The following KLHDC1 variants were observed in gnomAD, a reference collection of about 807,000 sequenced individuals.
KLHDC1 encodes kelch domain containing 1.
In KLHDC1, 53 loss-of-function variants were observed where a neutral mutation model predicts 68.3. The ratio of observed to expected loss-of-function variants is 0.78; its 90% CI spans 0.62 to 0.98. The LOEUF (loss-of-function observed/expected upper bound fraction) is 0.98. Ranked by LOEUF, KLHDC1 falls within the 50% of genes least tolerant of loss-of-function variation. The probability of loss-of-function intolerance (pLI) is 0.00; values close to 1 mark genes in which losing one functional copy is unlikely to be tolerated. For synonymous variants in KLHDC1, 148 were observed against 159.0 expected (o/e 0.93, Z 0.52); for missense variants, 470 against 492.3 (o/e 0.95, Z 0.43).
At chr14:49,741,313 AT>A (rs532664095) in intron 11 of KLHDC1, among the ~76,000 whole-genome samples, 36 of 149,282 alleles carry the variant, frequency 2.4e-4, no homozygotes, top group African/African-American at 6.6e-4. Flanking sequence ...GTATATTATT[AT>A]TTTTTTTTTT....
chr14:49,743,662 C>A (rs936810417), intron 11 of KLHDC1, 91 bp from the exon 12 acceptor site: 3 of 778,962 alleles, frequency 3.9e-6, no homozygotes, highest in Non-Finnish European at 4.2e-6. Context: ...TATACAATAT[C>A]TTTTACATTT....
chr14:49,741,758 C>A (rs60434626), intron 11 of KLHDC1, among the ~76,000 whole-genome samples: 1 of 152,050 alleles, frequency 6.6e-6, no homozygotes. Context: ...ACTCCTAGCA[C>A]CCTGGGAAAT....
intron 11 of KLHDC1, among the ~76,000 whole-genome samples, chr14:49,741,758 C>T (rs60434626): frequency 7.2e-4 from 110 of 152,168 alleles, no homozygotes; most frequent in African/African-American, 2.5e-3. Context: ...ACTCCTAGCA[C>T]CCTGGGAAAT....
intron 4 of KLHDC1, among the ~76,000 whole-genome samples, chr14:49,713,830 A>T (rs1287314875): frequency 4.3e-3 from 9 of 2,086 alleles, no homozygotes; most frequent in Non-Finnish European, 0.011. Context: ...ATATATATAT[A>T]TATATATATA....
intron 4 of KLHDC1, among the ~76,000 whole-genome samples, chr14:49,713,827 TATATATATA>T (rs1361135176): frequency 0.08 from 499 of 6,248 alleles, 73 homozygotes; most frequent in Non-Finnish European, 0.1. Flanking sequence ...TATATATATA[TATATATATA>T]TATATATATA....
chr14:49,725,870 CAA>C, intron 6 of KLHDC1, 101 bp downstream of exon 6: 2 of 631,028 alleles, frequency 3.2e-6, no homozygotes, highest in Non-Finnish European at 5.4e-6. Flanking sequence ...GTTTTTGAGA[CAA>C]AGTCTTGCTC....
At chr14:49,727,985 T>G (rs954901866) in intron 6 of KLHDC1, among the ~76,000 whole-genome samples, 2 of 152,182 alleles carry the variant, frequency 1.3e-5, no homozygotes, top group African/African-American at 4.8e-5. Flanking sequence ...CCCTCAAACC[T>G]TATTCATTCA....
chr14:49,742,948 T>C (rs934628340), intron 11 of KLHDC1, among the ~76,000 whole-genome samples: 3 of 151,426 alleles, frequency 2.0e-5, no homozygotes, highest in Non-Finnish European at 4.4e-5. Context: ...AGCCTGTTCC[T>C]GTGGTCCCAG....
In KLHDC1 at chr14:49,710,337, A is replaced by G. The variant is rs757148001; in HGVS notation, c.360A>G (p.Pro120=). ...WEKITDFEGQ[P]PTPRDKLSCW... is the part of the protein sequence containing the mutation. The stretch of plus-strand genomic sequence containing the variant: ...AAATCACCGACTTTGAAGGGCAACC[A>G]CCTACACCACGTGATAAACTTTCCT... The change falls in exon 4 of 13, where the codon CCA becomes CCG. Residue 120 remains proline (P), a synonymous_variant. Coordinates refer to ENST00000359332, the MANE Select transcript of KLHDC1 (RefSeq NM_172193.3). The G allele has an allele frequency of 8.9e-5, 143 of 1,611,452 alleles. No homozygotes were observed. The highest frequency in any genetic ancestry group is 1.2e-4 in the Non-Finnish European group (141 of 1,177,882).
At chr14:49,741,562 C>G (rs997095602) in intron 11 of KLHDC1, among the ~76,000 whole-genome samples, 3 of 152,090 alleles carry the variant, frequency 2.0e-5, no homozygotes, top group African/African-American at 7.2e-5. Flanking sequence ...TCACCTCAGC[C>G]TCCCGAAGTG....
chr14:49,709,931 C>G lies in KLHDC1; in HGVS notation c.285+105C>G, dbSNP rs149347721. ...TAAAAAGAAGATATATATAGAAAAC[C>G]TTAAACTTGTAATTAAATATTTTAA... On this transcript the variant is annotated intron_variant, in intron 3 of 12. Coordinates refer to ENST00000359332, the MANE Select transcript of KLHDC1 (RefSeq NM_172193.3). 2.0e-3 allele frequency: 1,190 copies of G among 604,642 alleles called. 7 individuals carry two copies. The highest frequency in any genetic ancestry group is 0.015 in the African/African-American group (788 of 51,406). The allele number at this position is 604,642 out of a possible 1,614,324, so 37.5% of individuals were successfully genotyped here. A position where few individuals can be genotyped will look rare whatever the true frequency, so the allele number is the denominator to read the frequency against.
At chr14:49,696,325 C>T (rs956256315) in intron 1 of KLHDC1, among the ~76,000 whole-genome samples, 1 of 151,992 alleles carries the variant, frequency 6.6e-6, no homozygotes, top group Admixed American at 6.6e-5. Context: ...GTGCGTGACA[C>T]TACACCTGGC....
intron 12 of KLHDC1, among the ~76,000 whole-genome samples, chr14:49,749,922 G>C (rs750066005): frequency 3.9e-5 from 6 of 151,980 alleles, no homozygotes; most frequent in Non-Finnish European, 7.4e-5. Flanking sequence ...GCCAGGCGTG[G>C]TGTGGCACAC....
In KLHDC1 at chr14:49,729,530, C is replaced by T. The variant is rs372468275; in HGVS notation, c.692C>T (p.Thr231Ile). The change falls in exon 8 of 13, where the codon ACC becomes ATC. Residue 231 changes from threonine (T) to isoleucine (I), a missense_variant. Coordinates refer to ENST00000359332, the MANE Select transcript of KLHDC1 (RefSeq NM_172193.3). ...MNDLHYLNLD[T>I]WTWSGRITIN... is the part of the protein sequence containing the mutation. Reference sequence around the variant, plus strand: ...GATTTGCACTATCTAAACCTAGACACCTGGACTTGGTCTGGAAGGTAAGTT... The same window carrying T: ...GATTTGCACTATCTAAACCTAGACATCTGGACTTGGTCTGGAAGGTAAGTT... The T allele has an allele frequency of 1.2e-6, 2 of 1,609,938 alleles. No individual in the cohort carries two copies. Among genetic ancestry groups the T allele is most frequent in the Admixed American group, 1.7e-5 (1 of 59,916 alleles).
intron 3 of KLHDC1, 134 bp from the exon 4 acceptor site, chr14:49,710,129 T>G (rs1888160332): frequency 1.8e-6 from 1 of 560,352 alleles, no homozygotes; most frequent in Non-Finnish European, 3.1e-6. Context: ...ATTCTCCAAT[T>G]TTTAAATTTT....
intron 1 of KLHDC1, among the ~76,000 whole-genome samples, chr14:49,700,623 T>A (rs1466667612): frequency 6.6e-6 from 1 of 152,098 alleles, no homozygotes; most frequent in African/African-American, 2.4e-5. Flanking sequence ...AACTACATAT[T>A]TCTGCTATGG....
chr14:49,743,740 T>C lies in KLHDC1; in HGVS notation c.982-13T>C. The C allele has an allele frequency of 6.4e-7, 1 of 1,551,120 alleles. No individual in the cohort carries two copies. The highest frequency in any genetic ancestry group is 8.8e-7 in the Non-Finnish European group (1 of 1,133,206). ...TATCAAAAACTTAATAATGCCTTTT[T>C]TGTGTTGATTAGGGTCACTGTAATG... is the stretch of plus-strand genomic sequence containing the variant. On this transcript the variant is annotated splice_polypyrimidine_tract_variant and intron_variant, in intron 11 of 12. Transcript: ENST00000359332.
chr14:49,724,081 G>C (rs1888606858), intron 5 of KLHDC1, 129 bp downstream of exon 5: 2 of 591,834 alleles, frequency 3.4e-6, no homozygotes, highest in Non-Finnish European at 5.8e-6. Context: ...TGAAAAAAAT[G>C]TGTTTTCTCT....
At position 49,752,660 on chromosome 14, in the gene KLHDC1, C is replaced by G. The variant is rs1464180176; in HGVS notation, c.*888C>G. On this transcript the variant is annotated 3_prime_UTR_variant, in exon 13 of 13. Coordinates refer to ENST00000359332, the MANE Select transcript of KLHDC1 (RefSeq NM_172193.3). ...GCCCCCACCATTCTACAGAGTTGTA[C>G]TCAAGACAGATACTGAAAAAATCTA... 6.6e-6 allele frequency: 1 copy of G among 151,558 alleles called. No individual in the cohort carries two copies. Among genetic ancestry groups the G allele is most frequent in the Non-Finnish European group, 1.5e-5 (1 of 67,958 alleles). 9.4% of individuals were successfully genotyped at this position (151,558 alleles called of 1,614,324 possible).
Sources: allele counts gnomAD v4.1 joint callset (sites outside exome capture counted in the v4.1 genomes callset), GRCh38; gene constraint gnomAD v4.1.1; transcripts MANE v1.5; gene names NCBI Gene and HGNC (gene_info 2026-07-23, HGNC 2026-07-21).